B3GALT1: variants seen among roughly 807,000 people sequenced by gnomAD.
B3GALT1 encodes beta-1,3-galactosyltransferase 1.
A neutral mutation model predicts 23.2 loss-of-function variants in B3GALT1; 10 were observed. The ratio of observed to expected loss-of-function variants is 0.43; its 90% CI spans 0.27 to 0.73. B3GALT1 has a LOEUF of 0.73. Among genes scored for constraint, B3GALT1 ranks in the 30% least tolerant of loss-of-function variants. The pLI, the probability that B3GALT1 is intolerant of heterozygous loss-of-function variation, is 0.21. For synonymous variants in B3GALT1, 156 were observed against 141.5 expected, an observed-to-expected ratio of 1.10 and a Z score of -0.73; for missense variants, 299 against 405.4, an observed-to-expected ratio of 0.74 and a Z score of 2.25.
intron 2 of B3GALT1, among the ~76,000 whole-genome samples, chr2:167,515,831 T>G (rs1003143038): frequency 2.0e-5 from 3 of 152,074 alleles, no homozygotes; most frequent in Admixed American, 6.6e-5. Context: ...TCAAGATATT[T>G]TTATTACAAA....
chr2:167,302,347 TA>T (rs1363309123), intron 1 of B3GALT1, among the ~76,000 whole-genome samples: 1 of 151,738 alleles, frequency 6.6e-6, no homozygotes, highest in Non-Finnish European at 1.5e-5. Context: ...AAATCTATAC[TA>T]AAAAAAACTG....
intron 1 of B3GALT1, among the ~76,000 whole-genome samples, chr2:167,433,480 A>T (rs1438435648): frequency 2.0e-5 from 3 of 152,212 alleles, no homozygotes; most frequent in Non-Finnish European, 4.4e-5. Context: ...AAAGGAAGAA[A>T]ATGTAGAATA....
At chr2:167,440,864 TC>T (rs2105312819) in intron 1 of B3GALT1, among the ~76,000 whole-genome samples, 1 of 152,310 alleles carries the variant, frequency 6.6e-6, no homozygotes, top group Non-Finnish European at 1.5e-5. Context: ...GATCTTTTTT[TC>T]ATTTTTTAAT....
intron 3 of B3GALT1, among the ~76,000 whole-genome samples, chr2:167,769,048 A>G (rs1045408976): frequency 1.3e-4 from 20 of 152,174 alleles, no homozygotes; most frequent in Admixed American, 1.1e-3. Flanking sequence ...AAATTTTTCT[A>G]TTGAATCTAT....
intron 1 of B3GALT1, among the ~76,000 whole-genome samples, chr2:167,485,244 T>G (rs1462403301): frequency 3.3e-5 from 5 of 152,178 alleles, no homozygotes; most frequent in Non-Finnish European, 7.4e-5. Flanking sequence ...ATGTGTACAT[T>G]TTATGGGTGA....
At chr2:167,831,896 G>A (rs78545070) in intron 4 of B3GALT1, among the ~76,000 whole-genome samples, 1,689 of 152,236 alleles carry the variant, frequency 0.011, 39 homozygotes, top group African/African-American at 0.039. Context: ...TAATCACCTA[G>A]ATTTACAGTG....
intron 1 of B3GALT1, among the ~76,000 whole-genome samples, chr2:167,489,009 TTTA>T (rs780789582): frequency 2.8e-4 from 43 of 152,130 alleles, no homozygotes; most frequent in Non-Finnish European, 4.0e-4. Flanking sequence ...CCTTGGAGGA[TTTA>T]TTGATGACAT....
At chr2:167,662,045 C>A (rs1686068519) in intron 3 of B3GALT1, among the ~76,000 whole-genome samples, 2 of 148,742 alleles carry the variant, frequency 1.3e-5, no homozygotes, top group Non-Finnish European at 3.0e-5. Context: ...TTGACTCTGT[C>A]TTGATCCTGT....
chr2:167,565,268 A>G (rs911558965), intron 2 of B3GALT1, among the ~76,000 whole-genome samples: 6 of 152,242 alleles, frequency 3.9e-5, no homozygotes, highest in African/African-American at 1.2e-4. Flanking sequence ...AGGATTCCCT[A>G]TTTAATAAAT....
intron 1 of B3GALT1, among the ~76,000 whole-genome samples, chr2:167,347,264 T>A (rs959302792): frequency 6.6e-6 from 1 of 152,218 alleles, no homozygotes; most frequent in Non-Finnish European, 1.5e-5. Context: ...TCTTAATTAT[T>A]GGTCGAAAGG....
At chr2:167,823,883 A>G (rs769481098) in intron 4 of B3GALT1, among the ~76,000 whole-genome samples, 1 of 152,246 alleles carries the variant, frequency 6.6e-6, no homozygotes, top group Non-Finnish European at 1.5e-5. Context: ...TATAACAATT[A>G]TAAAATATTT....
At chr2:167,564,359 G>A (rs994462149) in intron 2 of B3GALT1, among the ~76,000 whole-genome samples, 1 of 151,114 alleles carries the variant, frequency 6.6e-6, no homozygotes, top group Admixed American at 6.6e-5. Flanking sequence ...GCCGGGCAGA[G>A]ACGCTCCCCA....
chr2:167,721,138 G>A (rs2105255630), intron 3 of B3GALT1, among the ~76,000 whole-genome samples: 1 of 151,994 alleles, frequency 6.6e-6, no homozygotes, highest in East Asian at 1.9e-4. Context: ...CTGTGCAGGT[G>A]TTATTCGTCA....
intron 2 of B3GALT1, among the ~76,000 whole-genome samples, chr2:167,528,584 A>G (rs6721796): frequency 0.55 from 83,086 of 151,938 alleles, 25,435 homozygotes; most frequent in East Asian, 0.99. Flanking sequence ...ATGACATTAG[A>G]CAAGTCTCTT....
rs559217407 is a variant in B3GALT1, at chr2:167,758,467, G to A, written c.-351-60205G>A. On this transcript the variant is annotated intron_variant, in intron 3 of 4. Transcript: ENST00000392690. The stretch of plus-strand genomic sequence containing the variant: ...AGGAAGGAAGCCCAGGAATGGGCTC[G>A]GCAATTTGCATCCTAATGGGTCATG... Among the ~76,000 whole-genome samples, 104 of 152,228 alleles carry A rather than the reference G, an allele frequency of 6.8e-4. 1 individual carries two copies. The highest frequency in any genetic ancestry group is 3.4e-3 in the Middle Eastern group (1 of 294).
intron 1 of B3GALT1, among the ~76,000 whole-genome samples, chr2:167,297,612 A>C (rs4315485): frequency 8.6e-5 from 13 of 151,890 alleles, no homozygotes; most frequent in African/African-American, 3.1e-4. Context: ...CTATTCTTTT[A>C]TGCAAAAAAA....
At chr2:167,306,010 A>G (rs1281825326) in intron 1 of B3GALT1, among the ~76,000 whole-genome samples, 4 of 152,068 alleles carry the variant, frequency 2.6e-5, no homozygotes, top group African/African-American at 9.7e-5. Flanking sequence ...GCCCTTTTGG[A>G]AAACAATTTG....
chr2:167,869,356 A>T lies in B3GALT1; in HGVS notation c.317A>T (p.Asn106Ile). The change falls in exon 5 of 5, where the codon AAC (asparagine) becomes ATC (isoleucine). Residue 106 changes from asparagine to isoleucine, a missense_variant. By Grantham distance (149) the Asn-to-Ile change is moderately radical (BLOSUM62 -3). Transcript: ENST00000392690. This position sits in a 1 kb window ranked among gnomAD's most constrained non-coding sequence, Gnocchi z 6.4. ...AIRETWGDEN[N>I]FKGIKIATLF... ...AGAGAGACGTGGGGGGATGAGAACA[A>T]CTTTAAGGGGATCAAGATAGCCACC... The T allele has an allele frequency of 6.2e-7, 1 of 1,614,124 alleles. No homozygotes were observed. The highest frequency in any genetic ancestry group is 8.5e-7 in the Non-Finnish European group (1 of 1,180,024).
chr2:167,713,277 A>G (rs1172842411), intron 3 of B3GALT1, among the ~76,000 whole-genome samples: 1 of 152,252 alleles, frequency 6.6e-6, no homozygotes, highest in African/African-American at 2.4e-5. Context: ...TAAATAAGGC[A>G]TTACGAAGGT....
Sources: gnomAD v4.1 joint callset for allele counts (sites outside exome capture counted in the v4.1 genomes callset) on GRCh38, gnomAD v4.1.1 for gene constraint, Gnocchi (gnomAD v3.1) non-coding constraint, MANE v1.5 for transcripts, NCBI Gene and HGNC (gene_info 2026-07-23, HGNC 2026-07-21) for gene names.